The following BCORL1 variants were observed in gnomAD, a reference collection of about 807,000 sequenced individuals.
The protein encoded by BCORL1 is BCL-6 corepressor-like protein 1.
BCORL1 carries 7 observed loss-of-function variants against 87.6 expected under a neutral mutation model. The ratio of observed to expected loss-of-function variants is 0.08; its 90% CI spans 0.05 to 0.15. The LOEUF (loss-of-function observed/expected upper bound fraction) is 0.15, where lower values mean the gene tolerates loss of function less well. BCORL1 is among the 10% of genes least tolerant of loss of function. BCORL1 has a pLI of 1.00. For synonymous variants in BCORL1, 591 were observed against 634.4 expected (o/e 0.93, Z 1.03); for missense variants, 1,215 against 1,499.7 (o/e 0.81, Z 3.13).
rs995537327 is a variant in BCORL1 at position 130,024,848 on chromosome X, T to C, written c.3689-142T>C. ...ATGAGGAGACTGCACTGAAGGAACTTTCCCGAACGGTACAGCTAATAACTG... is the reference window on the plus strand; with the variant it reads ...ATGAGGAGACTGCACTGAAGGAACTCTCCCGAACGGTACAGCTAATAACTG... On this transcript the variant is annotated intron_variant, in intron 6 of 13. Coordinates refer to ENST00000540052, the MANE Select transcript of BCORL1 (RefSeq NM_001379451.1). The C allele has an allele frequency of 1.9e-5, 17 of 901,996 alleles. No individual in the cohort carries two copies. In the African/African-American group the frequency reaches 3.0e-4, roughly 16 times the overall value. 74.3% of individuals were successfully genotyped at this position (901,996 alleles called of 1,213,427 possible). A position where few individuals can be genotyped will look rare whatever the true frequency, so the allele number is the denominator to read the frequency against.
Position 130,014,819 on chromosome X carries a change from A to G in BCORL1, c.2047A>G (p.Thr683Ala), listed in dbSNP as rs1376395740. The change falls in exon 4 of 14, where the codon ACT becomes GCT. Residue 683 changes from threonine (T) to alanine (A), a missense_variant. This residue lies in a region of BCORL1 where 861 missense variants were observed against 1,010.0 expected (regional missense o/e 0.85). Coordinates refer to ENST00000540052, the MANE Select transcript of BCORL1 (RefSeq NM_001379451.1). ...GGNVTSCLGS[T>A]SSPFVIFPEI... ...CAATGTCACCTCCTGCCTGGGCTCC[A>G]CTTCCTCGCCCTTTGTCATCTTTCC... 18 of 1,210,877 alleles carry G rather than the reference A, an allele frequency of 1.5e-5. No homozygotes were observed. Among genetic ancestry groups the G allele is most frequent in the Middle Eastern group, 2.3e-4 (1 of 4,355 alleles).
At chrX:130,051,725 G>A in intron 12 of BCORL1, 135 bp from the exon 13 acceptor site, 1 of 577,776 alleles carries the variant, frequency 1.7e-6, no homozygotes, top group Non-Finnish European at 2.6e-6. Context: ...CCGCATCCCT[G>A]ACTAGGGGCC....
chrX:130,021,205 A>G lies in BCORL1; in HGVS notation c.3607+55A>G, dbSNP rs1929780282. ...TGGGCTGCAGAGGGATCCCCAGGGC[A>G]CAGTGGTGAGGGCAGAGGGGCTCAG... On this transcript the variant is annotated intron_variant, in intron 5 of 13. Coordinates refer to ENST00000540052, the MANE Select transcript of BCORL1 (RefSeq NM_001379451.1). The G allele has an allele frequency of 2.6e-5, 30 of 1,160,658 alleles. No individual in the cohort carries two copies. The South Asian group carries it at 5.7e-4, about 22-fold the overall frequency.
intron 13 of BCORL1, among the ~76,000 whole-genome samples, chrX:130,052,467 TTAG>T (rs1932130466): frequency 8.9e-6 from 1 of 112,643 alleles, no homozygotes; most frequent in Non-Finnish European, 1.9e-5. Flanking sequence ...TGCTGTAATG[TTAG>T]TAGCGTGGTG....
At chrX:130,050,495 G>A (rs1932013272) in intron 11 of BCORL1, among the ~76,000 whole-genome samples, 1 of 110,543 alleles carries the variant, frequency 9.0e-6, no homozygotes, top group Non-Finnish European at 1.9e-5. Context: ...AAAGCACTGG[G>A]TCAAACACTA....
At chrX:130,016,465 C>T (rs1199823263) in intron 4 of BCORL1, among the ~76,000 whole-genome samples, 6 of 112,171 alleles carry the variant, frequency 5.3e-5, no homozygotes, top group African/African-American at 1.6e-4. Flanking sequence ...GGAAATGATT[C>T]TGTCCCTGGG....
chrX:129,984,292 G>A (rs993062657), intron 1 of BCORL1, among the ~76,000 whole-genome samples: 1 of 105,751 alleles, frequency 9.5e-6, no homozygotes, highest in African/African-American at 3.4e-5. Flanking sequence ...CGGGGCAGAG[G>A]GCGCAGGCGG....
chrX:130,042,968 G>A lies in BCORL1; in HGVS notation c.4840+3686G>A, dbSNP rs538902680. 2.8e-4 allele frequency among the ~76,000 whole-genome samples: 18 copies of A among 63,255 alleles called. No individual in the cohort carries two copies. In the South Asian group the frequency reaches 6.1e-3, roughly 21 times the overall value. The allele number at this position is 63,255 out of a possible 115,157, so 54.9% of individuals were successfully genotyped here. A position where few individuals can be genotyped will look rare whatever the true frequency, so the allele number is the denominator to read the frequency against. ...AGCCTGGGCGACAGAGCGAGACTCCGTCTCAAAAAATTAATTAATTAAAAA... is the reference window on the plus strand; with the variant it reads ...AGCCTGGGCGACAGAGCGAGACTCCATCTCAAAAAATTAATTAATTAAAAA... On this transcript the variant is annotated intron_variant, in intron 11 of 13. Coordinates refer to ENST00000540052, the MANE Select transcript of BCORL1 (RefSeq NM_001379451.1).
upstream of BCORL1, among the ~76,000 whole-genome samples, chrX:129,980,914 G>C (rs2124271508): frequency 9.1e-6 from 1 of 109,487 alleles, no homozygotes; most frequent in African/African-American, 3.3e-5. Flanking sequence ...AGGGGAGGGA[G>C]AGCCGGGGGT....
At chrX:129,999,568 A>G (rs1927860229) in intron 1 of BCORL1, among the ~76,000 whole-genome samples, 1 of 109,702 alleles carries the variant, frequency 9.1e-6, no homozygotes, top group South Asian at 3.9e-4. Flanking sequence ...TTGGCCTCCC[A>G]AGGTGCTGGG....
At chrX:130,033,283 G>T in intron 8 of BCORL1, among the ~76,000 whole-genome samples, 2 of 110,443 alleles carry the variant, frequency 1.8e-5, no homozygotes, top group Non-Finnish European at 3.8e-5. Context: ...GGGTTTCACT[G>T]TGTTGGCCAG....
intron 8 of BCORL1, among the ~76,000 whole-genome samples, chrX:130,032,363 A>G (rs956696906): frequency 9.0e-6 from 1 of 111,429 alleles, no homozygotes; most frequent in Non-Finnish European, 1.9e-5. Context: ...TCCCTGCCCC[A>G]TGGATCTCTC....
chrX:130,008,483 G>A (rs191811805), intron 2 of BCORL1, among the ~76,000 whole-genome samples: 2 of 110,213 alleles, frequency 1.8e-5, no homozygotes, highest in Admixed American at 9.7e-5. Context: ...TGCTGGTCTC[G>A]AACTCCCGAC....
At chrX:129,984,400 G>T (rs1181950150) in intron 1 of BCORL1, among the ~76,000 whole-genome samples, 1 of 109,788 alleles carries the variant, frequency 9.1e-6, no homozygotes, top group Non-Finnish European at 1.9e-5. Context: ...ACGACGAGGA[G>T]CCCCGGGGGC....
At chrX:130,021,411 T>A in intron 5 of BCORL1, 3 of 381,289 alleles carry the variant, frequency 7.9e-6, no homozygotes, top group Non-Finnish European at 1.0e-5. Context: ...CACAACACAG[T>A]AGCCGACCCA....
chrX:129,990,941 G>A (rs1300583991), intron 1 of BCORL1, among the ~76,000 whole-genome samples: 1 of 110,840 alleles, frequency 9.0e-6, no homozygotes, highest in Non-Finnish European at 1.9e-5. Flanking sequence ...TTTATTTATT[G>A]ATTGATTTAT....
chrX:130,041,573 T>G (rs1931319536), intron 11 of BCORL1, among the ~76,000 whole-genome samples: 1 of 112,029 alleles, frequency 8.9e-6, no homozygotes, highest in Admixed American at 9.5e-5. Flanking sequence ...CTAGCCAGCT[T>G]TTTGACACCT....
At position 130,021,133 on chromosome X, in the gene BCORL1, C is replaced by A; in HGVS notation, c.3590C>A (p.Ala1197Asp). The A allele has an allele frequency of 8.3e-7, 1 of 1,200,002 alleles. No individual in the cohort carries two copies. Among genetic ancestry groups the A allele is most frequent in the Non-Finnish European group, 1.1e-6 (1 of 890,835 alleles). The change falls in exon 5 of 14, where the codon GCC becomes GAC. Residue 1197 changes from alanine (A) to aspartate (D), a missense_variant. By Grantham distance (126) the Ala-to-Asp change is moderately radical. Transcript: ENST00000540052. ...KPESQSPGKR[A>D]DSHEEGSLEK... ...GAGTCCCAGTCTCCAGGAAAACGAGCCGACAGCCACGAGGAAGGTAGGCCC... is the reference window on the plus strand; with the variant it reads ...GAGTCCCAGTCTCCAGGAAAACGAGACGACAGCCACGAGGAAGGTAGGCCC...
At chrX:130,052,278 G>T (rs754036672) in intron 13 of BCORL1, among the ~76,000 whole-genome samples, 53 of 112,612 alleles carry the variant, frequency 4.7e-4, no homozygotes, top group Non-Finnish European at 9.0e-4. Context: ...GGGTATAAAA[G>T]ATAATCTGAG....
Sources: allele counts gnomAD v4.1 joint callset (sites outside exome capture counted in the v4.1 genomes callset), GRCh38; gene constraint gnomAD v4.1.1; regional missense constraint gnomAD v4.1.1; transcripts MANE v1.5; gene names NCBI Gene and HGNC (gene_info 2026-07-23, HGNC 2026-07-21).